The following PCTP variants were observed in gnomAD, a reference collection of about 807,000 sequenced individuals.
PCTP encodes START domain-containing protein 2.
Under a neutral mutation model 31.0 loss-of-function variants are expected in PCTP, and 27 were observed. The ratio of observed to expected loss-of-function variants is 0.87; its 90% CI spans 0.64 to 1.20. The LOEUF is 1.20. Among genes scored for constraint, PCTP ranks in the 50% most tolerant of loss-of-function variants. PCTP has a pLI of 0.00. For synonymous variants in PCTP, 108 were observed against 101.2 expected (o/e 1.07, Z -0.40); for missense variants, 287 against 268.2 (o/e 1.07, Z -0.49).
At chr17:55,822,711 T>C (rs372852876) in intron 3 of PCTP, 9 of 1,084,626 alleles carry the variant, frequency 8.3e-6, no homozygotes, top group Admixed American at 8.5e-5. Context: ...CCAGGAATTT[T>C]TGTGGCTGTA....
At chr17:55,752,717 T>C (rs1374379543) in intron 1 of PCTP, among the ~76,000 whole-genome samples, 1 of 152,240 alleles carries the variant, frequency 6.6e-6, no homozygotes, top group Admixed American at 6.5e-5. Flanking sequence ...ACTTTTTTTC[T>C]GTATACAGAT....
chr17:55,846,273 C>T (rs890859913), downstream of PCTP, among the ~76,000 whole-genome samples: 3 of 152,112 alleles, frequency 2.0e-5, no homozygotes, highest in Admixed American at 6.6e-5. Flanking sequence ...TCATGTACCA[C>T]CAAATATAGA....
chr17:55,789,234 G>A (rs1194913740), intron 3 of PCTP, among the ~76,000 whole-genome samples: 1 of 152,028 alleles, frequency 6.6e-6, no homozygotes, highest in South Asian at 2.1e-4. Flanking sequence ...TAAGTGGTGA[G>A]TACCCATTTA....
chr17:55,828,995 C>G (rs567428238), intron 5 of PCTP, among the ~76,000 whole-genome samples: 112 of 151,986 alleles, frequency 7.4e-4, no homozygotes, highest in African/African-American at 2.6e-3. Flanking sequence ...AGAAAGTGTC[C>G]CAGGAACAAA....
At chr17:55,796,082 G>A (rs202009130) in intron 3 of PCTP, among the ~76,000 whole-genome samples, 2 of 151,980 alleles carry the variant, frequency 1.3e-5, no homozygotes, top group East Asian at 3.9e-4. Flanking sequence ...TTTGGGAGAA[G>A]TAATAGTACG....
At chr17:55,793,085 ACT>A (rs1180759908) in intron 3 of PCTP, among the ~76,000 whole-genome samples, 4 of 151,874 alleles carry the variant, frequency 2.6e-5, no homozygotes, top group Admixed American at 2.6e-4. Context: ...CTGTGTCCCA[ACT>A]CTCTGAAAAA....
At chr17:55,792,470 A>T (rs538161650) in intron 3 of PCTP, among the ~76,000 whole-genome samples, 10 of 152,060 alleles carry the variant, frequency 6.6e-5, no homozygotes, top group African/African-American at 2.4e-4. Context: ...TCCACAGAAA[A>T]ATAAAATAAA....
At chr17:55,819,380 A>C (rs1913040164) in intron 3 of PCTP, among the ~76,000 whole-genome samples, 2 of 152,198 alleles carry the variant, frequency 1.3e-5, no homozygotes, top group African/African-American at 4.8e-5. Context: ...AGGATACATA[A>C]TTTTATATAT....
intron 3 of PCTP, among the ~76,000 whole-genome samples, chr17:55,816,213 A>G (rs1222563326): frequency 6.6e-6 from 1 of 152,186 alleles, no homozygotes; most frequent in East Asian, 1.9e-4. Flanking sequence ...TAACATTTTC[A>G]TGATCACCCC....
chr17:55,820,852 G>T lies in PCTP; in HGVS notation c.318-1909G>T, dbSNP rs532948328. ...ATGCCACTTCACACCCATTAGGATGGCTATAATGAAAAAGATGAATAATAA... is the reference window on the plus strand; with the variant it reads ...ATGCCACTTCACACCCATTAGGATGTCTATAATGAAAAAGATGAATAATAA... On this transcript the variant is annotated intron_variant, in intron 3 of 3. Coordinates refer to the PCTP transcript ENST00000572536. Among the ~76,000 whole-genome samples the T allele has an allele frequency of 1.1e-4, 16 of 152,290 alleles. No homozygotes were observed. In the South Asian group the frequency reaches 3.3e-3, roughly 32 times the overall value.
At chr17:55,810,700 T>C (rs1912723247) in intron 3 of PCTP, among the ~76,000 whole-genome samples, 1 of 152,194 alleles carries the variant, frequency 6.6e-6, no homozygotes, top group South Asian at 2.1e-4. Context: ...TTTGGATAAC[T>C]GTGTCAACCT....
chr17:55,835,527 A>G (rs561263285), intron 5 of PCTP, among the ~76,000 whole-genome samples: 17 of 152,316 alleles, frequency 1.1e-4, no homozygotes, highest in South Asian at 2.1e-4. Context: ...ACTATTTGAT[A>G]TAGCCAGTTT....
chr17:55,839,925 A>G (rs1333908792), intron 5 of PCTP, among the ~76,000 whole-genome samples: 2 of 148,328 alleles, frequency 1.3e-5, no homozygotes, highest in Non-Finnish European at 3.0e-5. Context: ...GTCTCAAAAA[A>G]AAAAAAAAAA....
At chr17:55,812,025 A>G (rs1912768995) in intron 3 of PCTP, among the ~76,000 whole-genome samples, 1 of 152,098 alleles carries the variant, frequency 6.6e-6, no homozygotes, top group Non-Finnish European at 1.5e-5. Context: ...TAGCGCTCTG[A>G]GGTGGGTGTT....
chr17:55,751,304 G>A (rs919334568), intron 1 of PCTP, 60 bp downstream of exon 1: 1 of 1,516,948 alleles, frequency 6.6e-7, no homozygotes, highest in South Asian at 1.2e-5. Context: ...CGACCTCCCC[G>A]CAGGGAGTGC....
chr17:55,768,132 GA>G (rs1910791701), intron 2 of PCTP, among the ~76,000 whole-genome samples: 1 of 151,278 alleles, frequency 6.6e-6, no homozygotes, highest in Admixed American at 6.6e-5. Flanking sequence ...CTTGCCAGTA[GA>G]AAAAAATAAA....
Position 55,773,897 on chromosome 17 carries a change from T to G in PCTP, c.511+2T>G. ...GTGACGGCAAGAAGGGGAGCAAAGG[T>G]AAAACCCATGGTGCCTGTCAGTGCA... is the stretch of plus-strand genomic sequence containing the variant. On this transcript the variant is annotated splice_donor_variant, in intron 4 of 5. Coordinates refer to ENST00000268896, the MANE Select transcript of PCTP (RefSeq NM_021213.4). LOFTEE classifies it high-confidence loss of function. 1 of 1,597,992 alleles carries G rather than the reference T, an allele frequency of 6.3e-7. No homozygotes were observed. The highest frequency in any genetic ancestry group is 8.5e-7 in the Non-Finnish European group (1 of 1,171,126).
intron 3 of PCTP, among the ~76,000 whole-genome samples, chr17:55,813,177 T>A (rs556169154): frequency 6.6e-6 from 1 of 152,234 alleles, no homozygotes; most frequent in Non-Finnish European, 1.5e-5. Flanking sequence ...CAGTTTTGTG[T>A]GTGCTTGTGA....
downstream of PCTP, among the ~76,000 whole-genome samples, chr17:55,844,144 C>T (rs1271005280): frequency 6.6e-6 from 1 of 152,156 alleles, no homozygotes; most frequent in Admixed American, 6.5e-5. Flanking sequence ...GCATAGACAT[C>T]GTATTATAAA....
Sources: allele counts gnomAD v4.1 joint callset (sites outside exome capture counted in the v4.1 genomes callset), GRCh38; gene constraint gnomAD v4.1.1; transcripts MANE v1.5; gene names NCBI Gene and HGNC (gene_info 2026-07-23, HGNC 2026-07-21).